The following FBXL7 variants were observed in gnomAD, a reference collection of about 807,000 sequenced individuals.
FBXL7 encodes the protein F-box and leucine rich repeat protein 7, also known as F-box/LRR-repeat protein 7.
FBXL7 carries 12 observed loss-of-function variants against 38.3 expected under a neutral mutation model. That is an observed-to-expected ratio of 0.31 (90% CI 0.20 to 0.51). The LOEUF (loss-of-function observed/expected upper bound fraction) is 0.51. Among genes scored for constraint, FBXL7 ranks in the 20% least tolerant of loss-of-function variants. The probability of loss-of-function intolerance (pLI) is 0.98; values close to 1 mark genes in which losing one functional copy is unlikely to be tolerated. For synonymous variants in FBXL7, 297 were observed against 300.9 expected (o/e 0.99, Z 0.13); for missense variants, 567 against 676.4 (o/e 0.84, Z 1.79).
chr5:15,532,019 AG>A (rs1737446540), intron 1 of FBXL7, among the ~76,000 whole-genome samples: 1 of 152,228 alleles, frequency 6.6e-6, no homozygotes, highest in Non-Finnish European at 1.5e-5. Context: ...AGAATATCAT[AG>A]GCTTCTGTAA....
intron 2 of FBXL7, among the ~76,000 whole-genome samples, chr5:15,623,484 A>G (rs796486802): frequency 1.3e-5 from 2 of 152,240 alleles, no homozygotes; most frequent in South Asian, 2.1e-4. Flanking sequence ...GGAATCTAGA[A>G]TCACCAATTT....
At chr5:15,861,575 C>T (rs992779005) in intron 2 of FBXL7, among the ~76,000 whole-genome samples, 2 of 152,148 alleles carry the variant, frequency 1.3e-5, no homozygotes, top group East Asian at 1.9e-4. Flanking sequence ...TGGAGCAGAC[C>T]TTATTACCCA....
At chr5:15,850,083 T>C (rs775926678) in intron 2 of FBXL7, among the ~76,000 whole-genome samples, 2 of 152,198 alleles carry the variant, frequency 1.3e-5, no homozygotes, top group Admixed American at 6.5e-5. Flanking sequence ...TAGATTGATA[T>C]CTTAGATATC....
intron 2 of FBXL7, among the ~76,000 whole-genome samples, chr5:15,781,688 G>A (rs941462100): frequency 6.6e-6 from 1 of 152,030 alleles, no homozygotes; most frequent in Non-Finnish European, 1.5e-5. Context: ...TTAATAAAAA[G>A]TACTTTAAAT....
At chr5:15,634,777 C>T (rs1741129149) in intron 2 of FBXL7, among the ~76,000 whole-genome samples, 2 of 152,174 alleles carry the variant, frequency 1.3e-5, no homozygotes, top group Admixed American at 1.3e-4. Context: ...CTTCTGGAGG[C>T]TGTAGAAGAG....
chr5:15,796,182 G>T (rs1737411480), intron 2 of FBXL7, among the ~76,000 whole-genome samples: 1 of 152,156 alleles, frequency 6.6e-6, no homozygotes, highest in African/African-American at 2.4e-5. Context: ...CTTTTTCTAT[G>T]AATTATAACG....
At chr5:15,508,183 C>T (rs1736698384) in intron 1 of FBXL7, among the ~76,000 whole-genome samples, 1 of 152,070 alleles carries the variant, frequency 6.6e-6, no homozygotes, top group Admixed American at 6.6e-5. Flanking sequence ...AACATCAAGC[C>T]TGTTTTATAA....
At chr5:15,806,581 G>A (rs757005801) in intron 2 of FBXL7, among the ~76,000 whole-genome samples, 2 of 152,112 alleles carry the variant, frequency 1.3e-5, no homozygotes, top group African/African-American at 2.4e-5. Flanking sequence ...ACTGGGGCAC[G>A]GTGTAGAGTG....
intron 2 of FBXL7, among the ~76,000 whole-genome samples, chr5:15,732,476 A>G (rs1296399043): frequency 6.6e-6 from 1 of 151,998 alleles, no homozygotes; most frequent in African/African-American, 2.4e-5. Context: ...TTTTATTTAT[A>G]TTGTCATTTG....
chr5:15,567,439 T>G (rs1738618509), intron 1 of FBXL7, among the ~76,000 whole-genome samples: 1 of 144,424 alleles, frequency 6.9e-6, no homozygotes, highest in Admixed American at 6.7e-5. Context: ...CTCCCTTTAT[T>G]CTTCTTCACA....
chr5:15,500,847 C>T (rs1736469279), intron 1 of FBXL7, 134 bp downstream of exon 1: 1 of 1,090,210 alleles, frequency 9.2e-7, no homozygotes. Flanking sequence ...GGGTCACCAC[C>T]TTCTCCTTTG....
In FBXL7 at chr5:15,500,649, G is replaced by A; in HGVS notation, c.-28G>A. 1 of 1,613,410 alleles carries A rather than the reference G, an allele frequency of 6.2e-7. No homozygotes were observed. Among genetic ancestry groups the A allele is most frequent in the Non-Finnish European group, 8.5e-7 (1 of 1,179,552 alleles). On this transcript the variant is annotated 5_prime_UTR_variant, in exon 1 of 4. Transcript: ENST00000504595. ...GTGCGCCGCAGCTATGGAGTGTCCCGGGAGACGGCGGGCATGACGGCTACA... is the reference window on the plus strand; with the variant it reads ...GTGCGCCGCAGCTATGGAGTGTCCCAGGAGACGGCGGGCATGACGGCTACA...
chr5:15,884,334 T>A (rs1332748885), intron 2 of FBXL7, among the ~76,000 whole-genome samples: 2 of 151,978 alleles, frequency 1.3e-5, no homozygotes. Flanking sequence ...TGGTGCGATC[T>A]CGGCTCAATG....
At chr5:15,929,802 AT>A (rs1471585504) in intron 3 of FBXL7, among the ~76,000 whole-genome samples, 1 of 152,110 alleles carries the variant, frequency 6.6e-6, no homozygotes, top group Non-Finnish European at 1.5e-5. Flanking sequence ...AAAGATGAAC[AT>A]TCGAGAGGCT....
At chr5:15,871,495 A>G (rs1292791136) in intron 2 of FBXL7, among the ~76,000 whole-genome samples, 3 of 152,188 alleles carry the variant, frequency 2.0e-5, no homozygotes, top group Non-Finnish European at 4.4e-5. Context: ...GGGTAATAAC[A>G]AACTCCTCTG....
rs369031277 is a variant in FBXL7 at position 15,790,338 on chromosome 5, C to G, written c.128-137552C>G. Reference sequence around the variant, plus strand: ...GTGATGCTTCCTCCGCTTTGCTTGTCTGATGTTGGTCCCTTGTTCAACCTC... The same window carrying G: ...GTGATGCTTCCTCCGCTTTGCTTGTGTGATGTTGGTCCCTTGTTCAACCTC... On this transcript the variant is annotated intron_variant, in intron 2 of 3. Coordinates refer to ENST00000504595, the MANE Select transcript of FBXL7 (RefSeq NM_012304.5). 5.3e-5 allele frequency among the ~76,000 whole-genome samples: 8 copies of G among 152,078 alleles called. No homozygotes were observed. In the East Asian group the frequency reaches 1.5e-3, roughly 29 times the overall value.
At chr5:15,902,631 C>T (rs1741257862) in intron 2 of FBXL7, among the ~76,000 whole-genome samples, 1 of 152,222 alleles carries the variant, frequency 6.6e-6, no homozygotes, top group Non-Finnish European at 1.5e-5. Context: ...GTAAAGCTTA[C>T]TCTTGATGAC....
chr5:15,548,445 T>C (rs769933458), intron 1 of FBXL7, among the ~76,000 whole-genome samples: 1 of 152,182 alleles, frequency 6.6e-6, no homozygotes, highest in African/African-American at 2.4e-5. Flanking sequence ...AGGTCCTGGG[T>C]AGTAAGGAGG....
At chr5:15,504,583 C>T (rs547506133) in intron 1 of FBXL7, among the ~76,000 whole-genome samples, 1 of 152,304 alleles carries the variant, frequency 6.6e-6, no homozygotes, top group Admixed American at 6.5e-5. Flanking sequence ...AGCCCCATCT[C>T]CTATTGCTGT....
Sources: gnomAD v4.1 joint callset for allele counts (sites outside exome capture counted in the v4.1 genomes callset) on GRCh38, gnomAD v4.1.1 for gene constraint, MANE v1.5 for transcripts, NCBI Gene and HGNC (gene_info 2026-07-23, HGNC 2026-07-21) for gene names.